Variants in NCAM1 observed in about 807,000 individuals in gnomAD.
NCAM1 encodes neural cell adhesion molecule 1, also known as antigen recognized by monoclonal antibody 5.1H11.
In NCAM1, 14 loss-of-function variants were observed where a neutral mutation model predicts 109.8. The ratio of observed to expected loss-of-function variants is 0.13; its 90% CI spans 0.08 to 0.20. The LOEUF is 0.20. NCAM1 is among the 10% of genes least tolerant of loss of function. NCAM1 has a pLI of 1.00. For synonymous variants in NCAM1, 418 were observed against 442.9 expected (o/e 0.94, Z 0.70); for missense variants, 774 against 1,109.9 (o/e 0.70, Z 4.30).
intron 1 of NCAM1, among the ~76,000 whole-genome samples, chr11:113,167,215 A>T (rs1333032737): frequency 6.6e-6 from 1 of 152,194 alleles, no homozygotes; most frequent in Non-Finnish European, 1.5e-5. Flanking sequence ...CTGGCCTTCA[A>T]TTTGCCTCAT....
At chr11:113,035,582 C>T (rs1485296886) in intron 1 of NCAM1, among the ~76,000 whole-genome samples, 4 of 152,046 alleles carry the variant, frequency 2.6e-5, no homozygotes, top group African/African-American at 9.7e-5. Flanking sequence ...TTTTAAAGGC[C>T]TTGGTGTTCT....
At chr11:113,141,747 C>A (rs944240187) in intron 1 of NCAM1, among the ~76,000 whole-genome samples, 1 of 152,050 alleles carries the variant, frequency 6.6e-6, no homozygotes, top group Admixed American at 6.5e-5. Flanking sequence ...CGTAGTGAGC[C>A]GCCTTGCATA....
At chr11:112,997,193 G>A (rs1478706704) in intron 1 of NCAM1, among the ~76,000 whole-genome samples, 1 of 152,090 alleles carries the variant, frequency 6.6e-6, no homozygotes, top group Admixed American at 6.6e-5. Flanking sequence ...ATGAGGGAGT[G>A]GGTGTTACTG....
chr11:113,118,935 T>C (rs1940827176), intron 1 of NCAM1, among the ~76,000 whole-genome samples: 1 of 152,036 alleles, frequency 6.6e-6, no homozygotes, highest in South Asian at 2.1e-4. Flanking sequence ...ATCAATTGTG[T>C]TTAATTCCTT....
intron 1 of NCAM1, among the ~76,000 whole-genome samples, chr11:113,093,641 G>A (rs1555089777): frequency 6.6e-6 from 1 of 152,150 alleles, no homozygotes; most frequent in Non-Finnish European, 1.5e-5. Context: ...TCTCTAGGTA[G>A]GAACATTAGG....
At chr11:113,107,444 G>A (rs189573792) in intron 1 of NCAM1, among the ~76,000 whole-genome samples, 6 of 152,270 alleles carry the variant, frequency 3.9e-5, no homozygotes, top group African/African-American at 9.6e-5. Flanking sequence ...TATGCCCCTC[G>A]TATTATCCCT....
intron 1 of NCAM1, among the ~76,000 whole-genome samples, chr11:113,012,095 T>C (rs972207346): frequency 2.0e-5 from 3 of 151,894 alleles, no homozygotes; most frequent in Non-Finnish European, 4.4e-5. Flanking sequence ...CTTGGCTCAC[T>C]GCAACCTCCA....
chr11:113,160,389 C>CATG (rs1300873936), intron 1 of NCAM1, among the ~76,000 whole-genome samples: 2 of 152,138 alleles, frequency 1.3e-5, no homozygotes, highest in African/African-American at 4.8e-5. Context: ...AATAGCAAGA[C>CATG]ATGAAGTCCG....
chr11:113,259,152 C>T lies in NCAM1; in HGVS notation c.1954-994C>T, dbSNP rs373532042. On this transcript the variant is annotated intron_variant, in intron 16 of 19. Transcript: ENST00000316851. Reference sequence around the variant, plus strand: ...CTGCAAGCTCTGCCTCCCGGGTTCACGCCATTCTCCTGCCTCAGCCTCCCA... The same window carrying T: ...CTGCAAGCTCTGCCTCCCGGGTTCATGCCATTCTCCTGCCTCAGCCTCCCA... Among the ~76,000 whole-genome samples, 840 of 149,908 alleles carry T rather than the reference C, an allele frequency of 5.6e-3. 22 individuals are homozygous for T. Among genetic ancestry groups the T allele is most frequent in the South Asian group, 3.2e-3 (15 of 4,712 alleles).
At chr11:113,100,546 GGAT>G (rs1326232151) in intron 1 of NCAM1, among the ~76,000 whole-genome samples, 1 of 152,118 alleles carries the variant, frequency 6.6e-6, no homozygotes, top group Admixed American at 6.6e-5. Flanking sequence ...GCTCTCAGTG[GGAT>G]GGAGAGCTGG....
At chr11:113,118,108 T>G (rs10891509) in intron 1 of NCAM1, among the ~76,000 whole-genome samples, 18,625 of 151,960 alleles carry the variant, frequency 0.12, 1,473 homozygotes, top group East Asian at 0.36. Context: ...CCACTATAAA[T>G]AAGGATTTGT....
chr11:113,257,519 C>T (rs1033427121), intron 16 of NCAM1, among the ~76,000 whole-genome samples: 1 of 152,184 alleles, frequency 6.6e-6, no homozygotes, highest in African/African-American at 2.4e-5. Flanking sequence ...TGCTAAGAGG[C>T]AGGCTCAGGC....
intron 1 of NCAM1, among the ~76,000 whole-genome samples, chr11:113,046,739 C>G (rs927352586): frequency 3.5e-5 from 5 of 144,094 alleles, no homozygotes; most frequent in African/African-American, 1.3e-4. Context: ...GAAAGATGGA[C>G]AGAAAGATAA....
chr11:113,135,655 C>T (rs1555099251), intron 1 of NCAM1, among the ~76,000 whole-genome samples: 1 of 152,162 alleles, frequency 6.6e-6, no homozygotes, highest in East Asian at 1.9e-4. Flanking sequence ...GTGTACATTC[C>T]TCTGTGTTCT....
At chr11:113,230,887 A>G (rs1944984698) in intron 9 of NCAM1, among the ~76,000 whole-genome samples, 1 of 152,210 alleles carries the variant, frequency 6.6e-6, no homozygotes, top group Admixed American at 6.5e-5. Flanking sequence ...CTATGTGCTT[A>G]TTCTCTTTTT....
intron 8 of NCAM1, 123 bp downstream of exon 8, chr11:113,214,634 A>G: frequency 8.8e-7 from 1 of 1,133,732 alleles, no homozygotes; most frequent in Non-Finnish European, 1.2e-6. Flanking sequence ...GGCCACAGCC[A>G]GATCCCGGGG....
At position 113,270,253 on chromosome 11, in the gene NCAM1, G is replaced by C; in HGVS notation, c.2197G>C (p.Val733Leu). 6.2e-7 allele frequency: 1 copy of C among 1,614,014 alleles called. No homozygotes were observed. The highest frequency in any genetic ancestry group is 8.5e-7 in the Non-Finnish European group (1 of 1,179,900). The change falls in exon 18 of 20, where the codon GTC becomes CTC. Residue 733 changes from valine to leucine, a missense_variant. Coordinates refer to ENST00000316851, the MANE Select transcript of NCAM1 (RefSeq NM_181351.5). ...AIVGILIVIF[V>L]LLLVVVDITC... ...CGTGGGCATCCTCATCGTCATCTTCGTCCTGCTCCTGGTGGTTGTGGACAT... is the reference window on the plus strand; with the variant it reads ...CGTGGGCATCCTCATCGTCATCTTCCTCCTGCTCCTGGTGGTTGTGGACAT...
At chr11:113,204,244 T>G (rs1555112422) in intron 2 of NCAM1, 42 bp from the exon 3 acceptor site, 2 of 1,530,424 alleles carry the variant, frequency 1.3e-6, no homozygotes, top group South Asian at 2.4e-5. Flanking sequence ...CTTATTAGTC[T>G]TTTCGACTTC....
intron 1 of NCAM1, among the ~76,000 whole-genome samples, chr11:113,066,855 T>C (rs1260940611): frequency 3.3e-5 from 5 of 151,782 alleles, no homozygotes; most frequent in African/African-American, 1.2e-4. Flanking sequence ...GAAAAAGAAA[T>C]TAGCCAGGCA....
Sources: gnomAD v4.1 joint callset for allele counts (sites outside exome capture counted in the v4.1 genomes callset) on GRCh38, gnomAD v4.1.1 for gene constraint, MANE v1.5 for transcripts, NCBI Gene and HGNC (gene_info 2026-07-23, HGNC 2026-07-21) for gene names.